The following MYRFL variants were observed in gnomAD, a reference collection of about 807,000 sequenced individuals.
The protein encoded by MYRFL is myelin regulatory factor-like protein.
In MYRFL, 88 loss-of-function variants were observed where a neutral mutation model predicts 109.4. That is an observed-to-expected ratio of 0.80 (90% CI 0.68 to 0.96). MYRFL has a LOEUF of 0.96. Ranked by LOEUF, MYRFL falls within the 40% of genes least tolerant of loss-of-function variation. MYRFL has a pLI of 0.00. For missense variants in MYRFL, 957 were observed against 954.9 expected (o/e 1.00, Z -0.03); for synonymous variants, 324 against 320.9 (o/e 1.01, Z -0.10).
At chr12:69,872,157 G>T (rs1885392309) in intron 2 of MYRFL, among the ~76,000 whole-genome samples, 1 of 151,900 alleles carries the variant, frequency 6.6e-6, no homozygotes, top group African/African-American at 2.4e-5. Context: ...GTCTGTGGTG[G>T]TACTCTTTAT....
chr12:69,945,089 A>C (rs2120522448), intron 19 of MYRFL, among the ~76,000 whole-genome samples: 1 of 152,328 alleles, frequency 6.6e-6, no homozygotes, highest in East Asian at 1.9e-4. Context: ...TTTGTGTTTT[A>C]AGCTAAGTGT....
chr12:69,851,163 T>C (rs1883854843), intron 1 of MYRFL, among the ~76,000 whole-genome samples: 1 of 152,202 alleles, frequency 6.6e-6, no homozygotes. Context: ...CTGTACTTTT[T>C]GAAAAATCTA....
chr12:69,958,452 C>T lies in MYRFL; in HGVS notation c.2654C>T (p.Ala885Val). 1 of 1,530,434 alleles carries T rather than the reference C, an allele frequency of 6.5e-7. No homozygotes were observed. The allele number at this position is 1,530,434 out of a possible 1,614,324, so 94.8% of individuals were successfully genotyped here. A position where few individuals can be genotyped will look rare whatever the true frequency, so the allele number is the denominator to read the frequency against. Residue 885 changes from alanine (A) to valine (V), a missense_variant, in exon 25 of 25, where the codon GCT becomes GTT. Transcript: ENST00000552032. The stretch of plus-strand genomic sequence containing the variant: ...TTTCTCCTTTTCTGACAGGATTTAG[C>T]TGACTGTTCAACTGATCCTTATTTT... ...FHFRVAAPDL[A>V]DCSTDPYFAG...
chr12:69,935,247 T>C (rs1287414419), intron 16 of MYRFL, among the ~76,000 whole-genome samples: 1 of 151,760 alleles, frequency 6.6e-6, no homozygotes, highest in Non-Finnish European at 1.5e-5. Flanking sequence ...GGAAGCAAAA[T>C]AATGAGGAGT....
At chr12:69,877,148 C>T (rs147651991) in intron 2 of MYRFL, among the ~76,000 whole-genome samples, 4,582 of 151,694 alleles carry the variant, frequency 0.03, 241 homozygotes, top group African/African-American at 0.11. Context: ...CTCAGCCTCC[C>T]GAGTAGCTGG....
At chr12:69,943,888 C>G (rs11177982) in intron 19 of MYRFL, among the ~76,000 whole-genome samples, 17,408 of 151,902 alleles carry the variant, frequency 0.11, 1,224 homozygotes, top group Non-Finnish European at 0.16. Context: ...TGAACAGACA[C>G]TTCTCAAAAG....
At chr12:69,935,213 A>G (rs996472198) in intron 16 of MYRFL, among the ~76,000 whole-genome samples, 3 of 152,058 alleles carry the variant, frequency 2.0e-5, no homozygotes, top group Non-Finnish European at 4.4e-5. Context: ...TATCCTAATG[A>G]TGGTAAATCC....
intron 2 of MYRFL, among the ~76,000 whole-genome samples, chr12:69,860,758 A>G (rs1468793335): frequency 1.3e-5 from 2 of 151,368 alleles, no homozygotes; most frequent in Non-Finnish European, 2.9e-5. Context: ...TTATTGTTAT[A>G]CTTTAAGTTT....
chr12:69,880,815 G>C (rs1234874802), intron 5 of MYRFL, among the ~76,000 whole-genome samples: 1 of 152,194 alleles, frequency 6.6e-6, no homozygotes, highest in East Asian at 1.9e-4. Flanking sequence ...TTTTCCACTA[G>C]AACAGGGAGG....
At chr12:69,909,916 T>G in intron 11 of MYRFL, 53 bp from the exon 12 acceptor site, 3 of 1,285,284 alleles carry the variant, frequency 2.3e-6, no homozygotes, top group Non-Finnish European at 3.2e-6. Context: ...GGGCATTAAT[T>G]TGAATAGCAA....
intron 1 of MYRFL, among the ~76,000 whole-genome samples, chr12:69,844,374 C>A (rs1883410693): frequency 6.6e-6 from 1 of 152,162 alleles, no homozygotes; most frequent in Non-Finnish European, 1.5e-5. Flanking sequence ...CCTCCTATTT[C>A]TACCTGGGGA....
At chr12:69,900,430 C>A (rs972384469) in intron 10 of MYRFL, among the ~76,000 whole-genome samples, 2 of 152,140 alleles carry the variant, frequency 1.3e-5, no homozygotes, top group Non-Finnish European at 2.9e-5. Context: ...AGTTCTCAAG[C>A]TTGTATTATG....
Position 69,855,354 on chromosome 12 carries a change from T to G in MYRFL, c.121T>G (p.Phe41Val), listed in dbSNP as rs1884211415. The G allele has an allele frequency of 1.4e-6, 1 of 702,716 alleles. No individual in the cohort carries two copies. Among genetic ancestry groups the G allele is most frequent in the Admixed American group, 2.0e-5 (1 of 50,016 alleles). 43.5% of individuals were successfully genotyped at this position (702,716 alleles called of 1,614,324 possible). A position where few individuals can be genotyped will look rare whatever the true frequency, so the allele number is the denominator to read the frequency against. ...SLLEEFLGND[F>V]DLGALQRQLP... ...GTTGGAGGAATTTCTGGGCAATGAC[T>G]TTGATTTGGGGGCCTTGTAAGTAAT... Residue 41 changes from phenylalanine (F) to valine (V), a missense_variant, in exon 2 of 25, where the codon TTT (phenylalanine) becomes GTT (valine). Phe to Val is a conservative substitution (Grantham distance 50, BLOSUM62 -1). Transcript: ENST00000552032.
chr12:69,882,291 A>C (rs762809864), intron 5 of MYRFL, among the ~76,000 whole-genome samples: 5 of 151,224 alleles, frequency 3.3e-5, no homozygotes, highest in Admixed American at 6.6e-5. Context: ...GCAGGTTCCC[A>C]AGGCCAAAAA....
intron 2 of MYRFL, among the ~76,000 whole-genome samples, chr12:69,868,093 G>A (rs61491236): frequency 0.054 from 8,215 of 150,912 alleles, 763 homozygotes; most frequent in African/African-American, 0.19. Flanking sequence ...ATCAAGCCTC[G>A]GTTTCTTTTT....
At chr12:69,863,234 G>T (rs372023746) in intron 2 of MYRFL, among the ~76,000 whole-genome samples, 1 of 152,096 alleles carries the variant, frequency 6.6e-6, no homozygotes, top group Non-Finnish European at 1.5e-5. Flanking sequence ...GTCTCTGCCC[G>T]GCGTTGGTAT....
At chr12:69,894,493 G>T (rs957485562) in intron 8 of MYRFL, among the ~76,000 whole-genome samples, 1 of 152,100 alleles carries the variant, frequency 6.6e-6, no homozygotes, top group African/African-American at 2.4e-5. Flanking sequence ...AATAAATTAT[G>T]GCTAGATCTT....
intron 5 of MYRFL, among the ~76,000 whole-genome samples, chr12:69,884,446 G>C (rs1238859060): frequency 6.6e-6 from 1 of 152,182 alleles, no homozygotes; most frequent in Non-Finnish European, 1.5e-5. Context: ...TACCCTTACT[G>C]TTGTGATGAC....
chr12:69,924,190 G>GAAAAAAAAAAAAAA (rs543542332), intron 13 of MYRFL, among the ~76,000 whole-genome samples: 1 of 79,880 alleles, frequency 1.3e-5, no homozygotes, highest in Non-Finnish European at 2.4e-5. Context: ...CTCCGTCTCA[G>GAAAAAAAAAAAAAA]AAAAAAAAAA....
Sources: gnomAD v4.1 joint callset for allele counts (sites outside exome capture counted in the v4.1 genomes callset) on GRCh38, gnomAD v4.1.1 for gene constraint, MANE v1.5 for transcripts, NCBI Gene and HGNC (gene_info 2026-07-23, HGNC 2026-07-21) for gene names.